The following SAMD12 variants were observed in gnomAD, a reference collection of about 807,000 sequenced individuals.
The protein encoded by SAMD12 is sterile alpha motif domain containing 12.
In SAMD12, 9 loss-of-function variants were observed where a neutral mutation model predicts 15.0. That is an observed-to-expected ratio of 0.60 (90% CI 0.36 to 1.05). The LOEUF is 1.05. SAMD12 is among the 50% of genes least tolerant of loss of function. The probability of loss-of-function intolerance (pLI) is 0.01; values close to 1 mark genes in which losing one functional copy is unlikely to be tolerated. For synonymous variants in SAMD12, 86 were observed against 90.1 expected, an observed-to-expected ratio of 0.96 and a Z score of 0.25; for missense variants, 230 against 234.2, an observed-to-expected ratio of 0.98 and a Z score of 0.12.
At chr8:118,471,434 T>G (rs1195325383) in intron 2 of SAMD12, among the ~76,000 whole-genome samples, 1 of 152,142 alleles carries the variant, frequency 6.6e-6, no homozygotes, top group Non-Finnish European at 1.5e-5. Flanking sequence ...ACCAAAACAG[T>G]ATTAAAGTAG....
At chr8:118,429,845 G>T (rs567870315) in intron 3 of SAMD12, among the ~76,000 whole-genome samples, 2 of 152,274 alleles carry the variant, frequency 1.3e-5, no homozygotes, top group South Asian at 4.1e-4. Flanking sequence ...AGTGAGCCAA[G>T]ATCGTGTCAC....
intron 2 of SAMD12, among the ~76,000 whole-genome samples, chr8:118,535,645 T>C (rs1563568691): frequency 6.6e-6 from 1 of 152,204 alleles, no homozygotes; most frequent in Non-Finnish European, 1.5e-5. Flanking sequence ...GCCTCAGCAA[T>C]GGCGGGCGCC....
At chr8:118,560,040 T>C (rs746147974) in intron 2 of SAMD12, among the ~76,000 whole-genome samples, 6 of 152,214 alleles carry the variant, frequency 3.9e-5, no homozygotes, top group Non-Finnish European at 7.3e-5. Context: ...GGAGCAAATA[T>C]ATTGTGAGGC....
intron 2 of SAMD12, among the ~76,000 whole-genome samples, chr8:118,485,466 T>C (rs928941184): frequency 2.0e-5 from 3 of 152,194 alleles, no homozygotes; most frequent in African/African-American, 4.8e-5. Context: ...TCCATAGCTT[T>C]CCTAAATTGA....
At chr8:118,263,379 G>A (rs577000798) in intron 4 of SAMD12, among the ~76,000 whole-genome samples, 1 of 152,156 alleles carries the variant, frequency 6.6e-6, no homozygotes, top group East Asian at 1.9e-4. Flanking sequence ...AAGAAAATCA[G>A]GTGCTTTTAG....
At chr8:118,553,684 G>A (rs944061642) in intron 2 of SAMD12, among the ~76,000 whole-genome samples, 5 of 151,304 alleles carry the variant, frequency 3.3e-5, no homozygotes, top group Admixed American at 1.3e-4. Context: ...TGACAAATGG[G>A]ATCTAATTAA....
the SAMD12 span, among the ~76,000 whole-genome samples, chr8:118,155,963 C>A: frequency 6.6e-6 from 1 of 152,140 alleles, no homozygotes; most frequent in Non-Finnish European, 1.5e-5. Flanking sequence ...TTCTATCCAG[C>A]ATTAAATTCT....
At chr8:118,467,271 T>C (rs1358832113) in intron 2 of SAMD12, among the ~76,000 whole-genome samples, 1 of 152,166 alleles carries the variant, frequency 6.6e-6, no homozygotes, top group African/African-American at 2.4e-5. Flanking sequence ...GACACCTACA[T>C]AACTCAGAAC....
intron 4 of SAMD12, among the ~76,000 whole-genome samples, chr8:118,279,778 C>A (rs1001690472): frequency 6.6e-6 from 1 of 152,196 alleles, no homozygotes. Context: ...GATTTCTATG[C>A]AGCACAATCT....
intron 1 of SAMD12, among the ~76,000 whole-genome samples, chr8:118,616,004 G>A (rs1037900434): frequency 1.4e-4 from 22 of 152,162 alleles, no homozygotes; most frequent in African/African-American, 2.4e-4. Flanking sequence ...ACTTCTAGCC[G>A]TCATTCTCCT....
rs1828181626 is a variant in SAMD12 at position 118,614,251 on chromosome 8, C to T, written c.13+7553G>A. On this transcript the variant is annotated intron_variant, in intron 1 of 3. Transcript: ENST00000314727. ...GTGTTTACTGAGCACCTACCACAAA[C>T]CAGGTCTTAAGAGCTTCCCTTATAC... Among the ~76,000 whole-genome samples the T allele has an allele frequency of 2.0e-5, 3 of 152,310 alleles. No homozygotes were observed. In the South Asian group the frequency reaches 6.2e-4, roughly 32 times the overall value.
intron 4 of SAMD12, among the ~76,000 whole-genome samples, chr8:118,205,487 CT>C (rs891223013): frequency 6.6e-6 from 1 of 152,186 alleles, no homozygotes; most frequent in Non-Finnish European, 1.5e-5. Context: ...GAAAGCCAGA[CT>C]TGGAGGGGTG....
At chr8:118,344,043 C>G (rs1387014350) in intron 4 of SAMD12, among the ~76,000 whole-genome samples, 1 of 152,208 alleles carries the variant, frequency 6.6e-6, no homozygotes, top group Non-Finnish European at 1.5e-5. Flanking sequence ...AGCTTCCATT[C>G]TGCCTCTAGT....
At chr8:118,392,210 C>T (rs1820315391) in intron 3 of SAMD12, among the ~76,000 whole-genome samples, 1 of 152,128 alleles carries the variant, frequency 6.6e-6, no homozygotes, top group African/African-American at 2.4e-5. Context: ...AGGCGGATCA[C>T]GAGGTCAGGA....
chr8:118,155,206 T>G, the SAMD12 span, among the ~76,000 whole-genome samples: 1 of 152,202 alleles, frequency 6.6e-6, no homozygotes, highest in South Asian at 2.1e-4. Flanking sequence ...AGCTGTTTAA[T>G]CTTTTTTCTT....
chr8:118,185,053 G>A (rs932094135), downstream of SAMD12, among the ~76,000 whole-genome samples: 2 of 151,886 alleles, frequency 1.3e-5, no homozygotes, highest in Non-Finnish European at 2.9e-5. Context: ...CTATGTGCTT[G>A]TATCATTGCT....
chr8:118,201,640 T>C (rs1819718733), intron 4 of SAMD12, among the ~76,000 whole-genome samples: 1 of 152,194 alleles, frequency 6.6e-6, no homozygotes, highest in Non-Finnish European at 1.5e-5. Flanking sequence ...TGGAGGAGAA[T>C]CTTTGTTTCT....
At chr8:118,279,029 G>A (rs1172126068) in intron 4 of SAMD12, among the ~76,000 whole-genome samples, 7 of 152,116 alleles carry the variant, frequency 4.6e-5, no homozygotes, top group Admixed American at 3.9e-4. Flanking sequence ...AAAATGAAAT[G>A]GGTGTGTTTA....
intron 2 of SAMD12, among the ~76,000 whole-genome samples, chr8:118,541,634 A>G (rs1825991038): frequency 6.6e-6 from 1 of 152,216 alleles, no homozygotes. Context: ...CCTTTCAGGA[A>G]CAGTTTGCTG....
Sources: allele counts gnomAD v4.1 joint callset (sites outside exome capture counted in the v4.1 genomes callset), GRCh38; gene constraint gnomAD v4.1.1; transcripts MANE v1.5; gene names NCBI Gene and HGNC (gene_info 2026-07-23, HGNC 2026-07-21).